The following QRICH1 variants were observed in gnomAD, a reference collection of about 807,000 sequenced individuals.
The protein encoded by QRICH1 is glutamine rich 1, also known as transcriptional regulator QRICH1.
A neutral mutation model predicts 87.1 loss-of-function variants in QRICH1; 16 were observed. The ratio of observed to expected loss-of-function variants is 0.18; its 90% CI spans 0.12 to 0.28. The LOEUF is 0.28. QRICH1 is among the 10% of genes least tolerant of loss of function. The pLI, the probability that QRICH1 is intolerant of heterozygous loss-of-function variation, is 1.00. For synonymous variants in QRICH1, 367 were observed against 368.4 expected (o/e 1.00, Z 0.05); for missense variants, 647 against 951.7 (o/e 0.68, Z 4.21).
intron 3 of QRICH1, among the ~76,000 whole-genome samples, chr3:49,054,106 C>T (rs1440600100): frequency 6.6e-6 from 1 of 152,174 alleles, no homozygotes; most frequent in Non-Finnish European, 1.5e-5. Flanking sequence ...CACTCTAAGA[C>T]TTTCCCAAAT....
chr3:49,046,854 A>C lies in QRICH1; in HGVS notation c.1516+215T>G, dbSNP rs539322626. 2.0e-5 allele frequency among the ~76,000 whole-genome samples: 3 copies of C among 152,246 alleles called. No individual in the cohort carries two copies. The East Asian group carries it at 5.8e-4, about 29-fold the overall frequency. ...GTCAACTCCTGAAACCCGTATGTCTAAAAATGCCTGGTTTTGGGCAAACCC... is the reference window on the plus strand; with the variant it reads ...GTCAACTCCTGAAACCCGTATGTCTCAAAATGCCTGGTTTTGGGCAAACCC... On this transcript the variant is annotated intron_variant, in intron 4 of 9. Transcript: ENST00000395443.
chr3:49,085,314 C>A (rs571808496), intron 1 of QRICH1, among the ~76,000 whole-genome samples: 1 of 147,940 alleles, frequency 6.8e-6, no homozygotes, highest in African/African-American at 2.5e-5. Flanking sequence ...CCGAGGCAGG[C>A]GGATCACCAG....
chr3:49,075,721 C>T (rs1289309439), intron 2 of QRICH1, among the ~76,000 whole-genome samples: 6 of 152,046 alleles, frequency 3.9e-5, no homozygotes, highest in East Asian at 1.9e-4. Context: ...GGCCAAGGCA[C>T]GCAGATCTCT....
At chr3:49,094,367 C>A, upstream of QRICH1, 1 of 254,008 alleles carries the variant, frequency 3.9e-6, no homozygotes, top group East Asian at 7.0e-5. Flanking sequence ...CTCCTTTGGT[C>A]GAGCACGCCC....
In QRICH1 at chr3:49,057,427, T is replaced by C; in HGVS notation, c.773A>G (p.Tyr258Cys). ...GGCCACCGGCTGCCCTGAGATGGCG[T>C]AGGACACAGTGATGGGCATGTCCAC... ...RKVDMPITVSYAISGQPVATV... is the reference protein window; with the variant it reads ...RKVDMPITVSCAISGQPVATV... The change falls in exon 3 of 10, where the codon TAC becomes TGC. Residue 258 changes from tyrosine (Y) to cysteine (C), a missense_variant. Transcript: ENST00000395443. The surrounding 1 kb of genome is among the most constrained non-coding windows in gnomAD (Gnocchi z 5.4). The C allele has an allele frequency of 6.2e-7, 1 of 1,614,086 alleles. No individual in the cohort carries two copies. The highest frequency in any genetic ancestry group is 8.5e-7 in the Non-Finnish European group (1 of 1,180,020).
Position 49,057,510 on chromosome 3 carries a change from C to A in QRICH1, c.690G>T (p.Arg230=). 1 of 1,613,442 alleles carries A rather than the reference C, an allele frequency of 6.2e-7. No individual in the cohort carries two copies. The highest frequency in any genetic ancestry group is 1.1e-5 in the South Asian group (1 of 91,002). ...CCGTGCCAACCCGCCGCTCCCCTTC[C>A]CGGGGTGAGCCCTGCTGGGATGGTG... ...SPPPSQQGSP[R]EGERRVGTAS... is the part of the protein sequence containing the mutation. The change falls in exon 3 of 10, where the codon CGG becomes CGT. Residue 230 remains arginine, a synonymous_variant. Transcript: ENST00000395443. The surrounding 1 kb of genome is among the most constrained non-coding windows in gnomAD (Gnocchi z 5.4).
chr3:49,092,795 A>G (rs1225655372), intron 1 of QRICH1, among the ~76,000 whole-genome samples: 1 of 152,214 alleles, frequency 6.6e-6, no homozygotes, highest in Non-Finnish European at 1.5e-5. Flanking sequence ...ACAGTGATAC[A>G]CTATCAGATT....
intron 1 of QRICH1, among the ~76,000 whole-genome samples, chr3:49,089,654 TA>T (rs778224948): frequency 6.6e-6 from 1 of 152,116 alleles, no homozygotes; most frequent in Admixed American, 6.6e-5. Context: ...GAATACTACA[TA>T]AAAAATGGAA....
chr3:49,069,534 T>TG (rs1253065236), intron 2 of QRICH1, among the ~76,000 whole-genome samples: 4 of 136,402 alleles, frequency 2.9e-5, no homozygotes, highest in South Asian at 2.5e-4. Context: ...TACAGATCCA[T>TG]GGGGGGGAAT....
At chr3:49,076,143 T>C (rs2041946195) in intron 2 of QRICH1, among the ~76,000 whole-genome samples, 2 of 152,044 alleles carry the variant, frequency 1.3e-5, no homozygotes, top group South Asian at 4.1e-4. Context: ...CTCAGGAGGC[T>C]GGGGCAGGAG....
At chr3:49,065,163 T>A in intron 2 of QRICH1, among the ~76,000 whole-genome samples, 1 of 150,038 alleles carries the variant, frequency 6.7e-6, no homozygotes. Context: ...GGAGATGGAG[T>A]CTCACTCTGT....
chr3:49,043,809 G>A (rs916206327), intron 6 of QRICH1, among the ~76,000 whole-genome samples: 9 of 152,058 alleles, frequency 5.9e-5, no homozygotes, highest in Non-Finnish European at 1.5e-5. Context: ...CTCCACCCTG[G>A]GCTATAGAGT....
chr3:49,087,953 T>C (rs1238892160), intron 1 of QRICH1, among the ~76,000 whole-genome samples: 6 of 150,872 alleles, frequency 4.0e-5, no homozygotes, highest in Non-Finnish European at 5.9e-5. Context: ...TTTTATTTCA[T>C]TTATTTTTTT....
chr3:49,035,481 C>T (rs2093269074), intron 6 of QRICH1, among the ~76,000 whole-genome samples: 1 of 152,090 alleles, frequency 6.6e-6, no homozygotes, highest in Non-Finnish European at 1.5e-5. Context: ...GATGTCACTT[C>T]CCTAATTTTA....
Position 49,032,275 on chromosome 3 carries a change from T to G in QRICH1, c.2048-2A>C. On this transcript the variant is annotated splice_acceptor_variant, in intron 8 of 9. Coordinates refer to ENST00000395443, the MANE Select transcript of QRICH1 (RefSeq NM_198880.3). LOFTEE classifies it high-confidence loss of function. ...GTTCTGCATACATGTCATCTGTAAC[T>G]ATAAAACACACATCCCCACCACCAC... is the stretch of plus-strand genomic sequence containing the variant. 6.2e-7 allele frequency: 1 copy of G among 1,608,270 alleles called. No individual in the cohort carries two copies. The highest frequency in any genetic ancestry group is 8.5e-7 in the Non-Finnish European group (1 of 1,175,374).
chr3:49,057,993 G>A lies in QRICH1; in HGVS notation c.310-103C>T. 2.5e-6 allele frequency: 4 copies of A among 1,582,320 alleles called. No homozygotes were observed. Among genetic ancestry groups the A allele is most frequent in the East Asian group, 2.3e-5 (1 of 44,298 alleles). Reference sequence around the variant, plus strand: ...ATCCCAGACAGGGGACCTGCAAAATGTGAGAAAACACTGGCATACTCAAGG... The same window carrying A: ...ATCCCAGACAGGGGACCTGCAAAATATGAGAAAACACTGGCATACTCAAGG... On this transcript the variant is annotated intron_variant, in intron 2 of 9. Transcript: ENST00000395443. This position sits in a 1 kb window ranked among gnomAD's most constrained non-coding sequence, Gnocchi z 5.4.
chr3:49,056,095 C>G lies in QRICH1; in HGVS notation c.1338+767G>C, dbSNP rs376679911. On this transcript the variant is annotated intron_variant, in intron 3 of 9. Coordinates refer to ENST00000395443, the MANE Select transcript of QRICH1 (RefSeq NM_198880.3). Reference sequence around the variant, plus strand: ...GGTTCAAGTGATTCTCCTGCCTCAGCCTCCCGAGTAGCTGGGATTACAGGT... The same window carrying G: ...GGTTCAAGTGATTCTCCTGCCTCAGGCTCCCGAGTAGCTGGGATTACAGGT... Among the ~76,000 whole-genome samples the G allele has an allele frequency of 7.9e-5, 12 of 152,264 alleles. 2 individuals are homozygous for G. Among genetic ancestry groups the G allele is most frequent in the African/African-American group, 2.6e-4 (11 of 41,556 alleles).
In QRICH1 at chr3:49,030,362, A is replaced by G; in HGVS notation, c.*90T>C. 2 of 1,325,986 alleles carry G rather than the reference A, an allele frequency of 1.5e-6. No homozygotes were observed. Among genetic ancestry groups the G allele is most frequent in the South Asian group, 1.3e-5 (1 of 74,536 alleles). 82.1% of individuals were successfully genotyped at this position (1,325,986 alleles called of 1,614,324 possible). The stretch of plus-strand genomic sequence containing the variant: ...GCTTCGTAACTACACCAATAAAAAA[A>G]AGAAAAAAAAAAATGGAGGCCTCTT... On this transcript the variant is annotated 3_prime_UTR_variant, in exon 10 of 10. Coordinates refer to ENST00000395443, the MANE Select transcript of QRICH1 (RefSeq NM_198880.3).
chr3:49,082,281 C>T (rs2107011398), intron 1 of QRICH1, among the ~76,000 whole-genome samples: 1 of 152,292 alleles, frequency 6.6e-6, no homozygotes, highest in East Asian at 1.9e-4. Flanking sequence ...GTGAATATAA[C>T]TTCTATTTAA....
Sources: allele counts gnomAD v4.1 joint callset (sites outside exome capture counted in the v4.1 genomes callset), GRCh38; gene constraint gnomAD v4.1.1; non-coding constraint Gnocchi (gnomAD v3.1); transcripts MANE v1.5; gene names NCBI Gene and HGNC (gene_info 2026-07-23, HGNC 2026-07-21).